DLEC1: variants seen among roughly 807,000 people sequenced by gnomAD.
DLEC1 encodes the protein DLEC1 cilia and flagella associated protein.
Under a neutral mutation model 198.1 loss-of-function variants are expected in DLEC1, and 146 were observed. The observed-to-expected ratio is 0.74, with a 90% CI of 0.64 to 0.85. DLEC1 has a LOEUF of 0.85. Among genes scored for constraint, DLEC1 ranks in the 40% least tolerant of loss-of-function variants. The probability of loss-of-function intolerance (pLI) is 0.00; values close to 1 mark genes in which losing one functional copy is unlikely to be tolerated. For missense variants in DLEC1, 2,233 were observed against 2,220.0 expected (o/e 1.01, Z -0.12); for synonymous variants, 897 against 866.8 (o/e 1.03, Z -0.61).
intron 2 of DLEC1, among the ~76,000 whole-genome samples, chr3:38,053,369 T>C (rs1266048918): frequency 7.7e-5 from 11 of 142,948 alleles, no homozygotes; most frequent in African/African-American, 2.6e-4. Context: ...GGCCGCCCAT[T>C]GTCTGAGATG....
intron 1 of DLEC1, among the ~76,000 whole-genome samples, chr3:38,041,899 AT>A (rs1700676441): frequency 1.3e-5 from 2 of 151,810 alleles, no homozygotes; most frequent in South Asian, 4.1e-4. Flanking sequence ...AGTTGACTTT[AT>A]AAATTATGGT....
At chr3:38,121,872 T>A (rs1234962858) in intron 35 of DLEC1, 91 bp downstream of exon 35, 1 of 1,534,362 alleles carries the variant, frequency 6.5e-7, no homozygotes, top group African/African-American at 1.4e-5. Context: ...GCGCCGTCCC[T>A]GCATGCTGGC....
At position 38,097,162 on chromosome 3, in the gene DLEC1, T is replaced by C. The variant is rs1477873008; in HGVS notation, c.2341-20T>C. The C allele has an allele frequency of 1.3e-6, 2 of 1,555,700 alleles. No individual in the cohort carries two copies. Among genetic ancestry groups the C allele is most frequent in the Admixed American group, 1.9e-5 (1 of 51,680 alleles). On this transcript the variant is annotated intron_variant, in intron 15 of 36. Coordinates refer to ENST00000308059, the MANE Select transcript of DLEC1 (RefSeq NM_007335.4). ...ATGAAGGGGCAGTAAATGGGCAGCCTGGTCTCGGGTGTCTTTCAGATGTGG... is the reference window on the plus strand; with the variant it reads ...ATGAAGGGGCAGTAAATGGGCAGCCCGGTCTCGGGTGTCTTTCAGATGTGG...
chr3:38,070,941 C>T (rs1490545974), intron 6 of DLEC1, among the ~76,000 whole-genome samples: 3 of 152,068 alleles, frequency 2.0e-5, no homozygotes, highest in Non-Finnish European at 2.9e-5. Flanking sequence ...GACATTCCTG[C>T]CTTCTTATAT....
At chr3:38,116,941 T>C (rs912324451) in intron 29 of DLEC1, 34 bp from the exon 30 acceptor site, 54 of 1,612,722 alleles carry the variant, frequency 3.3e-5, no homozygotes, top group Non-Finnish European at 4.2e-5. Context: ...CCAGTGGGCA[T>C]GGGACAGTGC....
Position 38,116,841 on chromosome 3 carries a change from T to C in DLEC1, c.4131T>C (p.His1377=). 1 of 1,613,794 alleles carries C rather than the reference T, an allele frequency of 6.2e-7. No individual in the cohort carries two copies. ...TCATCTCAGTCATCCTGCAGGCACATGAGGGGGTGCCCTCCGGCCACCTGT... is the reference window on the plus strand; with the variant it reads ...TCATCTCAGTCATCCTGCAGGCACACGAGGGGGTGCCCTCCGGCCACCTGT... ...QKLISVILQA[H]EGVPSGHLYC... Residue 1377 remains histidine, a synonymous_variant, in exon 29 of 37, where the codon CAT becomes CAC. Coordinates refer to ENST00000308059, the MANE Select transcript of DLEC1 (RefSeq NM_007335.4).
chr3:38,077,934 T>G (rs1384117345), intron 6 of DLEC1, among the ~76,000 whole-genome samples: 1 of 152,052 alleles, frequency 6.6e-6, no homozygotes, highest in Non-Finnish European at 1.5e-5. Flanking sequence ...GGAAAGGAAA[T>G]GAGAGGTTCT....
chr3:38,060,031 G>T (rs1027828635), intron 3 of DLEC1, among the ~76,000 whole-genome samples, 179 bp downstream of exon 3: 2 of 152,152 alleles, frequency 1.3e-5, no homozygotes, highest in Non-Finnish European at 2.9e-5. Flanking sequence ...TTTCTTGCTA[G>T]TGCTCCCCCG....
intron 34 of DLEC1, among the ~76,000 whole-genome samples, chr3:38,121,375 G>A (rs986730843): frequency 6.6e-6 from 1 of 152,248 alleles, no homozygotes; most frequent in Non-Finnish European, 1.5e-5. Flanking sequence ...CCAGGGTGCA[G>A]GGACTGAAGC....
chr3:38,050,696 G>GGGAAAAA (rs1243980708), intron 2 of DLEC1, among the ~76,000 whole-genome samples: 1 of 152,204 alleles, frequency 6.6e-6, no homozygotes, highest in Non-Finnish European at 1.5e-5. Context: ...AAAAATTTCA[G>GGGAAAAA]TATAAGATTT....
intron 6 of DLEC1, 97 bp from the exon 7 acceptor site, chr3:38,084,061 C>T: frequency 8.1e-7 from 1 of 1,233,168 alleles, no homozygotes; most frequent in Admixed American, 1.8e-5. Context: ...TTCATTTCTA[C>T]CTCTACCCCC....
chr3:38,062,917 T>A (rs746897809), intron 5 of DLEC1, 116 bp downstream of exon 5: 20 of 1,129,878 alleles, frequency 1.8e-5, no homozygotes, highest in African/African-American at 4.7e-5. Context: ...AGGGTAGCAG[T>A]ATCAGAACAG....
intron 13 of DLEC1, chr3:38,095,448 G>T: frequency 3.2e-6 from 1 of 310,242 alleles, no homozygotes; most frequent in Non-Finnish European, 6.1e-6. Flanking sequence ...CCAGCATGGA[G>T]GGAAGCCCTG....
rs1700213296 is a variant in DLEC1 at position 38,117,058 on chromosome 3, G to A, written c.4263G>A (p.Glu1421=). 1.2e-6 allele frequency: 2 copies of A among 1,614,152 alleles called. No homozygotes were observed. The change falls in exon 30 of 37, where the codon GAG becomes GAA. Residue 1421 remains glutamate, a synonymous_variant. Transcript: ENST00000308059. ...VLSPEILHKV[E]CTGYALGFMS... Reference sequence around the variant, plus strand: ...GCCCTGAGATCCTGCACAAGGTGGAGTGTACTGGCTACGCCCTGGGTTTCA... The same window carrying A: ...GCCCTGAGATCCTGCACAAGGTGGAATGTACTGGCTACGCCCTGGGTTTCA...
Position 38,109,813 on chromosome 3 carries a change from G to A in DLEC1, c.3260+251G>A, listed in dbSNP as rs532605673. The stretch of plus-strand genomic sequence containing the variant: ...GCCCTGGCAGGCAGGAGATGGCAGG[G>A]GACAGGGCTGTAGGTACCCTGGGCT... On this transcript the variant is annotated intron_variant, in intron 22 of 36. Transcript: ENST00000308059. The A allele has an allele frequency of 1.9e-5, 14 of 725,674 alleles. No homozygotes were observed. In the East Asian group the frequency reaches 3.8e-4, roughly 20 times the overall value. The allele number at this position is 725,674 out of a possible 1,614,324, so 45.0% of individuals were successfully genotyped here. A position where few individuals can be genotyped will look rare whatever the true frequency, so the allele number is the denominator to read the frequency against.
At position 38,093,598 on chromosome 3, in the gene DLEC1, T is replaced by C. The variant is rs772218552; in HGVS notation, c.1757-7T>C. Reference sequence around the variant, plus strand: ...CTTCACTGACTTCACTTACTCTACTTTGGCAGGAATTGGGCAGCTGATTGC... The same window carrying C: ...CTTCACTGACTTCACTTACTCTACTCTGGCAGGAATTGGGCAGCTGATTGC... On this transcript the variant is annotated splice_polypyrimidine_tract_variant and splice_region_variant and intron_variant, in intron 11 of 36. Transcript: ENST00000308059. The C allele has an allele frequency of 3.7e-6, 6 of 1,614,112 alleles. No individual in the cohort carries two copies. Among genetic ancestry groups the C allele is most frequent in the South Asian group, 3.3e-5 (3 of 91,086 alleles).
intron 27 of DLEC1, among the ~76,000 whole-genome samples, chr3:38,115,469 C>T (rs1700103259): frequency 6.6e-6 from 1 of 152,034 alleles, no homozygotes; most frequent in Non-Finnish European, 1.5e-5. Flanking sequence ...AAGGGCCAGG[C>T]TCCCCTGTGG....
chr3:38,084,047 C>A, intron 6 of DLEC1, 111 bp from the exon 7 acceptor site: 1 of 1,023,576 alleles, frequency 9.8e-7, no homozygotes, highest in Non-Finnish European at 1.5e-6. Flanking sequence ...GTGGCCAAGC[C>A]TATTTCATTT....
Position 38,100,468 on chromosome 3 carries a change from A to G in DLEC1, c.2864+43A>G, listed in dbSNP as rs776477425. 6.4e-6 allele frequency: 10 copies of G among 1,562,152 alleles called. No individual in the cohort carries two copies. In the Admixed American group the frequency reaches 1.8e-4, roughly 28 times the overall value. On this transcript the variant is annotated intron_variant, in intron 19 of 36. Coordinates refer to ENST00000308059, the MANE Select transcript of DLEC1 (RefSeq NM_007335.4). ...AGAGCCACTACAACAAACTATGCATATTCGTGATGTATTTATCTATATTAT... is the reference window on the plus strand; with the variant it reads ...AGAGCCACTACAACAAACTATGCATGTTCGTGATGTATTTATCTATATTAT...
Sources: allele counts gnomAD v4.1 joint callset (sites outside exome capture counted in the v4.1 genomes callset), GRCh38; gene constraint gnomAD v4.1.1; transcripts MANE v1.5; gene names NCBI Gene and HGNC (gene_info 2026-07-23, HGNC 2026-07-21).